The following COL4A2 variants were observed in gnomAD, a reference collection of about 807,000 sequenced individuals.
The protein encoded by COL4A2 is collagen type IV alpha 2 chain.
In COL4A2, 99 loss-of-function variants were observed where a neutral mutation model predicts 200.2. That is an observed-to-expected ratio of 0.49 (90% CI 0.42 to 0.58). The LOEUF (loss-of-function observed/expected upper bound fraction) is 0.58. COL4A2 is among the 20% of genes least tolerant of loss of function. The probability of loss-of-function intolerance (pLI) is 0.00; values close to 1 mark genes in which losing one functional copy is unlikely to be tolerated. For missense variants in COL4A2, 1,950 were observed against 2,314.1 expected (o/e 0.84, Z 3.23); for synonymous variants, 897 against 900.6 (o/e 1.00, Z 0.07).
Position 110,424,718 on chromosome 13 carries a change from T to C in COL4A2, c.181-16T>C, listed in dbSNP as rs370926553. On this transcript the variant is annotated splice_polypyrimidine_tract_variant and intron_variant, in intron 4 of 47. Coordinates refer to ENST00000360467, the MANE Select transcript of COL4A2 (RefSeq NM_001846.4). ...TGTGATTAATCGTGGAAATTGAACC[T>C]TTGTTGTTCCCACAGGGTCAGCCTG... The C allele has an allele frequency of 5.7e-5, 90 of 1,565,328 alleles. No individual in the cohort carries two copies. In the African/African-American group the frequency reaches 1.1e-3, roughly 19 times the overall value.
intron 22 of COL4A2, among the ~76,000 whole-genome samples, chr13:110,460,058 A>AT (rs1881964133): frequency 6.6e-6 from 1 of 152,178 alleles, no homozygotes; most frequent in Non-Finnish European, 1.5e-5. Flanking sequence ...CTTTTTGTTG[A>AT]TTTTTTAACT....
chr13:110,372,684 A>G (rs143098094), intron 4 of COL4A2, among the ~76,000 whole-genome samples: 43 of 152,358 alleles, frequency 2.8e-4, no homozygotes, highest in Non-Finnish European at 4.1e-4. Context: ...ATATCATTCC[A>G]TTGATTTATT....
chr13:110,438,810 CCA>C (rs1555328888), intron 15 of COL4A2, 142 bp downstream of exon 15: 4 of 653,858 alleles, frequency 6.1e-6, no homozygotes, highest in African/African-American at 4.3e-5. Context: ...CCACCCCCCC[CCA>C]CACACACACA....
chr13:110,355,041 G>A (rs1401796904), intron 3 of COL4A2, among the ~76,000 whole-genome samples: 1 of 152,246 alleles, frequency 6.6e-6, no homozygotes, highest in Non-Finnish European at 1.5e-5. Context: ...TCATTGACAC[G>A]TAACTCAGAA....
chr13:110,440,613 T>C (rs61963239), intron 16 of COL4A2, among the ~76,000 whole-genome samples: 13,322 of 152,116 alleles, frequency 0.088, 699 homozygotes, highest in East Asian at 0.24. Context: ...ATAATAATAA[T>C]GATAAAATTT....
chr13:110,352,140 G>A (rs1876989559), intron 3 of COL4A2, among the ~76,000 whole-genome samples: 1 of 152,222 alleles, frequency 6.6e-6, no homozygotes. Context: ...TGAAGGTGGT[G>A]CCCTCCTAGG....
At chr13:110,506,388 C>A in intron 45 of COL4A2, 27 bp from the exon 46 acceptor site, 2 of 1,594,518 alleles carry the variant, frequency 1.3e-6, no homozygotes, top group Non-Finnish European at 1.7e-6. Flanking sequence ...ACCAGGCCGT[C>A]CACTCTCTCT....
At chr13:110,464,071 G>A (rs1039585647) in intron 24 of COL4A2, among the ~76,000 whole-genome samples, 1 of 152,192 alleles carries the variant, frequency 6.6e-6, no homozygotes, top group Non-Finnish European at 1.5e-5. Flanking sequence ...GGTGTGTGGT[G>A]TGCTCATGTG....
At position 110,465,592 on chromosome 13, in the gene COL4A2, C is replaced by T. The variant is rs1438849012; in HGVS notation, c.1964C>T (p.Thr655Ile). Residue 655 changes from threonine to isoleucine, a missense_variant, in exon 25 of 48, where the codon ACC (threonine) becomes ATC (isoleucine). By Grantham distance (89) the Thr-to-Ile change is moderately conservative. This residue lies in a region of COL4A2 where 1,385 missense variants were observed against 1,720.5 expected (regional missense o/e 0.80). Transcript: ENST00000360467. The part of the protein sequence containing the change: ...GFLGPPGPAG[T>I]PGQIDCDTDV... The stretch of plus-strand genomic sequence containing the variant: ...CTGGGCCCTCCTGGCCCCGCAGGGA[C>T]CCCAGGACAAATAGGTATGAAGGAA... 6.2e-7 allele frequency: 1 copy of T among 1,611,118 alleles called. No individual in the cohort carries two copies.
intron 3 of COL4A2, among the ~76,000 whole-genome samples, chr13:110,316,438 G>A (rs1210921006): frequency 6.6e-6 from 1 of 152,176 alleles, no homozygotes; most frequent in African/African-American, 2.4e-5. Flanking sequence ...TCGCAGCGAT[G>A]CAGGCCCTGG....
intron 4 of COL4A2, among the ~76,000 whole-genome samples, chr13:110,409,702 C>T (rs903444167): frequency 3.3e-5 from 5 of 152,230 alleles, no homozygotes; most frequent in South Asian, 4.1e-4. Flanking sequence ...ACCCAGGACC[C>T]GGGCTTCATG....
At chr13:110,439,855 C>T (rs1216671093) in intron 16 of COL4A2, 22 bp downstream of exon 16, 1 of 1,613,618 alleles carries the variant, frequency 6.2e-7, no homozygotes, top group Admixed American at 1.7e-5. Context: ...GCATGAACTG[C>T]AGTCTGCTCT....
chr13:110,485,480 G>A lies in COL4A2; in HGVS notation c.3026-175G>A, dbSNP rs187135459. Reference sequence around the variant, plus strand: ...AGAGCTTGTAGTGAGCCGAGATTGCGCCACTGCACTCCAGCCTGGGCGACA... The same window carrying A: ...AGAGCTTGTAGTGAGCCGAGATTGCACCACTGCACTCCAGCCTGGGCGACA... On this transcript the variant is annotated intron_variant, in intron 33 of 47. Transcript: ENST00000360467. Among the ~76,000 whole-genome samples, 685 of 143,044 alleles carry A rather than the reference G, an allele frequency of 4.8e-3. 1 individual carries two copies. The highest frequency in any genetic ancestry group is 6.1e-3 in the Non-Finnish European group (412 of 67,106). 93.8% of individuals were successfully genotyped at this position (143,044 alleles called of 152,430 possible). A position where few individuals can be genotyped will look rare whatever the true frequency, so the allele number is the denominator to read the frequency against.
At chr13:110,495,984 A>G (rs1022458041) in intron 40 of COL4A2, among the ~76,000 whole-genome samples, 3 of 152,166 alleles carry the variant, frequency 2.0e-5, no homozygotes, top group African/African-American at 7.2e-5. Flanking sequence ...CCAGTCTGCC[A>G]AGGGTGTTGC....
chr13:110,308,711 G>A (rs1399040270), intron 3 of COL4A2, among the ~76,000 whole-genome samples: 1 of 152,150 alleles, frequency 6.6e-6, no homozygotes, highest in Admixed American at 6.5e-5. Context: ...GCGCCACACT[G>A]GGATCCTGTT....
intron 27 of COL4A2, among the ~76,000 whole-genome samples, chr13:110,467,590 C>G (rs1488348656): frequency 1.3e-5 from 2 of 152,258 alleles, no homozygotes; most frequent in African/African-American, 4.8e-5. Flanking sequence ...TCTCTCAGCC[C>G]ATGTGAGAAA....
At position 110,461,969 on chromosome 13, in the gene COL4A2, C is replaced by T. The variant is rs114827832; in HGVS notation, c.1597-145C>T. On this transcript the variant is annotated intron_variant, in intron 22 of 47. Transcript: ENST00000360467. ...AGCTGGATGGGGGCGTATCCAGCAT[C>T]GCAGAAAGTGCTCCTTGGGTGGCGC... 1.1e-3 allele frequency: 1,289 copies of T among 1,204,800 alleles called. 11 individuals carry two copies. In the African/African-American group the frequency reaches 0.017, roughly 16 times the overall value. The allele number at this position is 1,204,800 out of a possible 1,614,324, so 74.6% of individuals were successfully genotyped here.
chr13:110,351,177 C>G (rs1475052583), intron 3 of COL4A2, among the ~76,000 whole-genome samples: 1 of 152,100 alleles, frequency 6.6e-6, no homozygotes, highest in Non-Finnish European at 1.5e-5. Context: ...GCCCTCCAAG[C>G]AGCTGGGACC....
intron 3 of COL4A2, among the ~76,000 whole-genome samples, chr13:110,314,315 CA>C (rs902017172): frequency 5.0e-4 from 76 of 152,286 alleles, no homozygotes; most frequent in African/African-American, 1.8e-3. Context: ...ATTTGGTGTG[CA>C]TGGGTCAGAT....
Sources: allele counts gnomAD v4.1 joint callset (sites outside exome capture counted in the v4.1 genomes callset), GRCh38; gene constraint gnomAD v4.1.1; regional missense constraint gnomAD v4.1.1; transcripts MANE v1.5; gene names NCBI Gene and HGNC (gene_info 2026-07-23, HGNC 2026-07-21).